The following CABIN1 variants were observed in gnomAD, a reference collection of about 807,000 sequenced individuals.
CABIN1 encodes the protein calcineurin-binding protein cabin-1.
Under a neutral mutation model 227.7 loss-of-function variants are expected in CABIN1, and 133 were observed. The observed-to-expected ratio is 0.58, with a 90% CI of 0.51 to 0.67. The LOEUF (loss-of-function observed/expected upper bound fraction) is 0.67, where lower values mean the gene tolerates loss of function less well. Ranked by LOEUF, CABIN1 falls within the 30% of genes least tolerant of loss-of-function variation. CABIN1 has a pLI of 0.00. For synonymous variants in CABIN1, 1,086 were observed against 1,155.1 expected, an observed-to-expected ratio of 0.94 and a Z score of 1.21; for missense variants, 2,408 against 2,852.5, an observed-to-expected ratio of 0.84 and a Z score of 3.55.
chr22:24,017,094 T>A (rs1382737042), intron 1 of CABIN1, among the ~76,000 whole-genome samples: 1 of 147,922 alleles, frequency 6.8e-6, no homozygotes, highest in Admixed American at 6.9e-5. Context: ...TGGAGTGCAA[T>A]GGCGCGATCT....
chr22:24,175,009 C>G (rs1276634892), intron 34 of CABIN1, among the ~76,000 whole-genome samples: 2 of 152,180 alleles, frequency 1.3e-5, no homozygotes, highest in Admixed American at 1.3e-4. Flanking sequence ...ATCAAGCAGG[C>G]CAAAGCTGTA....
At chr22:24,028,636 G>A (rs2036271516) in intron 1 of CABIN1, among the ~76,000 whole-genome samples, 1 of 152,120 alleles carries the variant, frequency 6.6e-6, no homozygotes, top group Non-Finnish European at 1.5e-5. Flanking sequence ...CCATCCTTAG[G>A]AATATGGTTA....
Position 24,126,728 on chromosome 22 carries a change from G to T in CABIN1, c.4632+7030G>T, listed in dbSNP as rs1399600398. 2.6e-5 allele frequency among the ~76,000 whole-genome samples: 4 copies of T among 152,190 alleles called. No homozygotes were observed. The East Asian group carries it at 7.7e-4, about 29-fold the overall frequency. On this transcript the variant is annotated intron_variant, in intron 28 of 36. Coordinates refer to ENST00000263119, the MANE Select transcript of CABIN1 (RefSeq NM_012295.4). ...AAAGCTGTCGCAAGGGCTGGGCATG[G>T]TGGCTCCCGCCTGTAATCCCAGCTC...
chr22:24,032,655 T>A (rs145700766), intron 1 of CABIN1, among the ~76,000 whole-genome samples: 1 of 152,380 alleles, frequency 6.6e-6, no homozygotes, highest in African/African-American at 2.4e-5. Flanking sequence ...CTTGTTATTT[T>A]CTGGCTTTAT....
intron 2 of CABIN1, 65 bp downstream of exon 2, chr22:24,035,585 C>A: frequency 6.3e-7 from 1 of 1,596,244 alleles, no homozygotes; most frequent in Middle Eastern, 1.7e-4. Flanking sequence ...CTCCTGGGGG[C>A]GAGGGGCATT....
chr22:24,139,982 G>A (rs956173644), intron 29 of CABIN1, among the ~76,000 whole-genome samples: 21 of 152,250 alleles, frequency 1.4e-4, no homozygotes, highest in Admixed American at 7.8e-4. Context: ...TCTCCATGCG[G>A]GGCCTTCATA....
At chr22:24,035,393 C>A in intron 1 of CABIN1, 51 bp from the exon 2 acceptor site, 4 of 1,317,822 alleles carry the variant, frequency 3.0e-6, no homozygotes, top group Non-Finnish European at 4.4e-6. Flanking sequence ...GCACTGTGAC[C>A]TTCCTGGCTC....
chr22:24,043,744 C>T (rs1174053524), intron 6 of CABIN1, among the ~76,000 whole-genome samples: 1 of 151,918 alleles, frequency 6.6e-6, no homozygotes, highest in Non-Finnish European at 1.5e-5. Context: ...ACAGTGAGAC[C>T]CTGTCTCAAA....
intron 26 of CABIN1, among the ~76,000 whole-genome samples, chr22:24,102,718 G>A (rs1173259193): frequency 6.6e-6 from 1 of 152,160 alleles, no homozygotes; most frequent in East Asian, 1.9e-4. Flanking sequence ...AGAGGGAGCA[G>A]CCAGGGTCAG....
At chr22:24,106,012 G>T (rs1027192948) in intron 26 of CABIN1, among the ~76,000 whole-genome samples, 6 of 152,212 alleles carry the variant, frequency 3.9e-5, no homozygotes, top group Non-Finnish European at 8.8e-5. Flanking sequence ...TAGGACTGGA[G>T]CCAGGCCTGT....
rs1029099887 is a variant in CABIN1 at position 24,059,258 on chromosome 22, G to T, written c.1294G>T (p.Asp432Tyr). 3.1e-6 allele frequency: 5 copies of T among 1,614,114 alleles called. No homozygotes were observed. Among genetic ancestry groups the T allele is most frequent in the Non-Finnish European group, 4.2e-6 (5 of 1,180,046 alleles). ...AAAGCTGGACCCTGAGGAGGAAGAT[G>T]ATTCCTTTAATAACTATGAAGTCCA... ...LRKLDPEEED[D>Y]SFNNYEVQSE... Residue 432 changes from aspartate (D) to tyrosine (Y), a missense_variant, in exon 11 of 37, where the codon GAT (aspartate) becomes TAT (tyrosine). Physicochemically the swap from Asp to Tyr is radical, Grantham distance 160. Transcript: ENST00000263119.
At chr22:24,057,817 G>A (rs985898813) in intron 10 of CABIN1, among the ~76,000 whole-genome samples, 4 of 152,202 alleles carry the variant, frequency 2.6e-5, no homozygotes, top group African/African-American at 9.7e-5. Context: ...TTTTTCTTAA[G>A]GGGTAATACC....
intron 3 of CABIN1, among the ~76,000 whole-genome samples, chr22:24,037,165 C>T (rs1215720518): frequency 6.8e-6 from 1 of 148,062 alleles, no homozygotes; most frequent in Non-Finnish European, 1.5e-5. Context: ...GAGGCTAAGG[C>T]AGGACAATAG....
chr22:24,020,574 G>A (rs777610430), intron 1 of CABIN1, among the ~76,000 whole-genome samples: 2 of 152,078 alleles, frequency 1.3e-5, no homozygotes, highest in Non-Finnish European at 2.9e-5. Flanking sequence ...CAAAGTGCTG[G>A]GATTATAGGC....
chr22:24,064,550 G>A (rs1012242166), intron 15 of CABIN1, among the ~76,000 whole-genome samples: 8 of 137,026 alleles, frequency 5.8e-5, no homozygotes, highest in Non-Finnish European at 1.2e-4. Context: ...ATCATTCTTG[G>A]GTGTTTCTCG....
chr22:24,047,007 G>GC (rs1217496871), intron 6 of CABIN1, among the ~76,000 whole-genome samples: 7 of 151,986 alleles, frequency 4.6e-5, no homozygotes, highest in South Asian at 2.1e-4. Flanking sequence ...ATTGGATGAG[G>GC]CCCCCCCACA....
At chr22:24,161,765 T>A (rs1369593692) in intron 29 of CABIN1, among the ~76,000 whole-genome samples, 1 of 152,218 alleles carries the variant, frequency 6.6e-6, no homozygotes, top group Admixed American at 6.5e-5. Flanking sequence ...CTGGGCTGAA[T>A]GCAGTGGGGC....
In CABIN1 at chr22:24,178,445, G is replaced by A. The variant is rs1003137196; in HGVS notation, c.*249G>A. ...AAGGTGGATTGGTCGCCATCTGCAC[G>A]CCAGGCGGCATCCTTTTCTATGAAG... On this transcript the variant is annotated 3_prime_UTR_variant, in exon 37 of 37. Transcript: ENST00000263119. 93 of 542,896 alleles carry A rather than the reference G, an allele frequency of 1.7e-4. No homozygotes were observed. The highest frequency in any genetic ancestry group is 1.8e-4 in the South Asian group (9 of 48,970). The allele number at this position is 542,896 out of a possible 1,614,324, so 33.6% of individuals were successfully genotyped here.
At position 24,036,163 on chromosome 22, in the gene CABIN1, CCAGA is replaced by C; in HGVS notation, c.81_84del (p.Thr28ArgfsTer53). The C allele has an allele frequency of 6.2e-7, 1 of 1,613,262 alleles. No homozygotes were observed. The highest frequency in any genetic ancestry group is 8.5e-7 in the Non-Finnish European group (1 of 1,179,376). ...AAGGAAGCTTTAAAAGTCACAAAAC[CCAGA>C]CAAAGGAGGCTCAGGTACGTAATGC... On this transcript the variant is annotated frameshift_variant, in exon 3 of 37. Transcript: ENST00000263119. LOFTEE classifies it high-confidence loss of function.
Sources: gnomAD v4.1 joint callset for allele counts (sites outside exome capture counted in the v4.1 genomes callset) on GRCh38, gnomAD v4.1.1 for gene constraint, MANE v1.5 for transcripts, NCBI Gene and HGNC (gene_info 2026-07-23, HGNC 2026-07-21) for gene names.